The following DLG2 variants were observed in gnomAD, a reference collection of about 807,000 sequenced individuals.
DLG2 encodes the protein disks large homolog 2.
In DLG2, 45 loss-of-function variants were observed where a neutral mutation model predicts 132.5. That is an observed-to-expected ratio of 0.34 (90% CI 0.27 to 0.44). DLG2 has a LOEUF of 0.44. Among genes scored for constraint, DLG2 ranks in the 20% least tolerant of loss-of-function variants. The probability of loss-of-function intolerance (pLI) is 1.00; values close to 1 mark genes in which losing one functional copy is unlikely to be tolerated. For synonymous variants in DLG2, 424 were observed against 419.6 expected (o/e 1.01, Z -0.13); for missense variants, 1,045 against 1,196.9 (o/e 0.87, Z 1.87).
chr11:85,232,691 C>T (rs1169534826), intron 4 of DLG2, among the ~76,000 whole-genome samples: 1 of 151,906 alleles, frequency 6.6e-6, no homozygotes, highest in African/African-American at 2.4e-5. Context: ...TGGCATCATT[C>T]AGGAAAAATT....
intron 3 of DLG2, among the ~76,000 whole-genome samples, chr11:85,323,985 G>T (rs1203523665): frequency 6.6e-6 from 1 of 152,254 alleles, no homozygotes; most frequent in African/African-American, 2.4e-5. Context: ...GATGGTAGTG[G>T]GCTTCCAGCA....
At chr11:84,989,119 T>C (rs2056820896) in intron 6 of DLG2, among the ~76,000 whole-genome samples, 1 of 152,114 alleles carries the variant, frequency 6.6e-6, no homozygotes, top group Non-Finnish European at 1.5e-5. Flanking sequence ...TGAAATAGTA[T>C]AACAAAACAT....
At chr11:85,608,262 C>T (rs2080733193) in intron 2 of DLG2, among the ~76,000 whole-genome samples, 1 of 152,068 alleles carries the variant, frequency 6.6e-6, no homozygotes, top group Admixed American at 6.6e-5. Flanking sequence ...TGAAATGCAT[C>T]CTAAGCCATT....
At chr11:83,724,215 T>A (rs1460902892) in intron 18 of DLG2, among the ~76,000 whole-genome samples, 1 of 152,142 alleles carries the variant, frequency 6.6e-6, no homozygotes, top group Non-Finnish European at 1.5e-5. Flanking sequence ...TTTCCCAAGG[T>A]TGCACAGTTT....
chr11:85,560,641 A>G (rs1002163753), intron 3 of DLG2, among the ~76,000 whole-genome samples: 8 of 151,878 alleles, frequency 5.3e-5, no homozygotes, highest in African/African-American at 1.9e-4. Context: ...TAGTTTCACA[A>G]CTTTGTAAAT....
At chr11:84,968,583 C>A (rs189642294) in intron 6 of DLG2, among the ~76,000 whole-genome samples, 1 of 152,082 alleles carries the variant, frequency 6.6e-6, no homozygotes, top group South Asian at 2.1e-4. Flanking sequence ...ATGTTAAGAA[C>A]AATTATACTG....
chr11:83,520,695 G>GCTAGATAGA (rs1565616703), intron 21 of DLG2, among the ~76,000 whole-genome samples: 1 of 149,034 alleles, frequency 6.7e-6, no homozygotes, highest in Non-Finnish European at 1.5e-5. Flanking sequence ...AAGTAGGTAG[G>GCTAGATAGA]TAGATAGATA....
chr11:85,482,291 C>T (rs1407899362), intron 3 of DLG2, among the ~76,000 whole-genome samples: 1 of 152,144 alleles, frequency 6.6e-6, no homozygotes, highest in Non-Finnish European at 1.5e-5. Context: ...TGGCCCCAGG[C>T]TTCTATCCCA....
At chr11:84,266,898 T>G (rs1245010840) in intron 7 of DLG2, among the ~76,000 whole-genome samples, 13 of 152,190 alleles carry the variant, frequency 8.5e-5, no homozygotes, top group Admixed American at 8.5e-4. Context: ...ACATAATATT[T>G]AAGAAACCAT....
intron 6 of DLG2, among the ~76,000 whole-genome samples, chr11:84,665,916 G>A (rs1178847927): frequency 2.0e-5 from 3 of 152,080 alleles, no homozygotes; most frequent in African/African-American, 7.2e-5. Context: ...CATTCTCTTA[G>A]TCTACAGTTT....
At chr11:85,579,694 C>CT (rs200811019) in intron 3 of DLG2, among the ~76,000 whole-genome samples, 54 of 149,786 alleles carry the variant, frequency 3.6e-4, no homozygotes, top group Middle Eastern at 3.4e-3. Context: ...GGACAAACAA[C>CT]TTTTTTTTTT....
intron 6 of DLG2, among the ~76,000 whole-genome samples, chr11:84,547,500 AG>A (rs1314327396): frequency 1.3e-5 from 2 of 152,168 alleles, no homozygotes; most frequent in Non-Finnish European, 2.9e-5. Context: ...CATGTGCTAG[AG>A]ATGTAATAGT....
intron 15 of DLG2, among the ~76,000 whole-genome samples, chr11:83,895,111 T>C (rs1244234965): frequency 1.3e-5 from 2 of 151,910 alleles, no homozygotes; most frequent in Non-Finnish European, 2.9e-5. Context: ...CATACATGTG[T>C]ATCAGGAAAC....
chr11:83,735,409 C>T (rs1318216112), intron 18 of DLG2, among the ~76,000 whole-genome samples: 3 of 152,126 alleles, frequency 2.0e-5, no homozygotes, highest in Non-Finnish European at 4.4e-5. Flanking sequence ...GGGCAAGATG[C>T]TTTTTAAAAA....
At chr11:84,448,768 C>T (rs756634120) in intron 7 of DLG2, among the ~76,000 whole-genome samples, 1 of 151,982 alleles carries the variant, frequency 6.6e-6, no homozygotes, top group Non-Finnish European at 1.5e-5. Flanking sequence ...TTATGTTTCC[C>T]TCCGAACGCC....
intron 6 of DLG2, among the ~76,000 whole-genome samples, chr11:85,071,378 G>A (rs2065840670): frequency 6.6e-6 from 1 of 151,846 alleles, no homozygotes; most frequent in Admixed American, 6.6e-5. Context: ...AAGTAAAGCA[G>A]ATTTGGCTGT....
chr11:85,107,927 TAAA>T (rs5793156), intron 6 of DLG2, among the ~76,000 whole-genome samples: 4 of 26,274 alleles, frequency 1.5e-4, no homozygotes, highest in Admixed American at 7.3e-4. Flanking sequence ...GGACAAGTCT[TAAA>T]AAAAAAAAAA....
At chr11:83,936,358 C>T (rs1177016129) in intron 14 of DLG2, among the ~76,000 whole-genome samples, 1 of 152,194 alleles carries the variant, frequency 6.6e-6, no homozygotes, top group Non-Finnish European at 1.5e-5. Context: ...ATTATTTTCA[C>T]TGCCTCTAAC....
chr11:84,567,794 A>C (rs1184083216), intron 6 of DLG2, among the ~76,000 whole-genome samples: 2 of 152,206 alleles, frequency 1.3e-5, no homozygotes, highest in Non-Finnish European at 2.9e-5. Flanking sequence ...ACAAGCAACT[A>C]TCCACAGACA....
Sources: allele counts gnomAD v4.1 joint callset (sites outside exome capture counted in the v4.1 genomes callset), GRCh38; gene constraint gnomAD v4.1.1; transcripts MANE v1.5; gene names NCBI Gene and HGNC (gene_info 2026-07-23, HGNC 2026-07-21).